Variants in KCNIP4 observed in about 807,000 individuals in gnomAD.
The protein encoded by KCNIP4 is Kv channel-interacting protein 4.
A neutral mutation model predicts 34.0 loss-of-function variants in KCNIP4; 12 were observed. The observed-to-expected ratio is 0.35, with a 90% CI of 0.23 to 0.57. The LOEUF is 0.57. Among genes scored for constraint, KCNIP4 ranks in the 20% least tolerant of loss-of-function variants. The pLI, the probability that KCNIP4 is intolerant of heterozygous loss-of-function variation, is 0.83. For missense variants in KCNIP4, 238 were observed against 311.7 expected (o/e 0.76, Z 1.78); for synonymous variants, 124 against 102.2 (o/e 1.21, Z -1.29).
At chr4:20,808,663 G>A (rs1253353038) in intron 3 of KCNIP4, among the ~76,000 whole-genome samples, 1 of 152,094 alleles carries the variant, frequency 6.6e-6, no homozygotes, top group South Asian at 2.1e-4. Context: ...TGTGTCCTGG[G>A]AAACCCACCC....
chr4:21,136,324 T>C (rs917423183), intron 1 of KCNIP4, among the ~76,000 whole-genome samples: 1 of 152,224 alleles, frequency 6.6e-6, no homozygotes, highest in African/African-American at 2.4e-5. Context: ...GTAATCTTTC[T>C]GGAGAATTAG....
chr4:21,890,513 G>A (rs923335781), intron 1 of KCNIP4, among the ~76,000 whole-genome samples: 1 of 151,964 alleles, frequency 6.6e-6, no homozygotes, highest in East Asian at 1.9e-4. Flanking sequence ...AAAGGGACCA[G>A]AAAATATCCC....
chr4:21,404,796 T>C (rs1723832413), intron 1 of KCNIP4, among the ~76,000 whole-genome samples: 2 of 152,198 alleles, frequency 1.3e-5, no homozygotes, highest in South Asian at 2.1e-4. Context: ...CTGGGACAGA[T>C]GGCAACTGCA....
chr4:21,465,801 T>C (rs150623244), intron 1 of KCNIP4, among the ~76,000 whole-genome samples: 2 of 152,280 alleles, frequency 1.3e-5, no homozygotes, highest in East Asian at 1.9e-4. Flanking sequence ...AAATAACAAT[T>C]CTTGGCTCCT....
intron 1 of KCNIP4, among the ~76,000 whole-genome samples, chr4:21,090,368 T>C (rs1196118546): frequency 6.6e-6 from 1 of 151,982 alleles, no homozygotes; most frequent in Non-Finnish European, 1.5e-5. Context: ...ACAAAGACAA[T>C]AGAAAATTCA....
chr4:20,949,431 A>G (rs1732537042), intron 1 of KCNIP4, among the ~76,000 whole-genome samples: 2 of 152,198 alleles, frequency 1.3e-5, no homozygotes, highest in South Asian at 2.1e-4. Context: ...TAGTTCAACC[A>G]TTGTGGAAGT....
At chr4:21,464,010 C>T (rs1729699547) in intron 1 of KCNIP4, among the ~76,000 whole-genome samples, 1 of 152,020 alleles carries the variant, frequency 6.6e-6, no homozygotes, top group African/African-American at 2.4e-5. Context: ...CAAATGTTCA[C>T]AGCATTCCTA....
intron 1 of KCNIP4, among the ~76,000 whole-genome samples, chr4:20,959,050 G>GA (rs1223389877): frequency 1.3e-5 from 2 of 152,174 alleles, no homozygotes; most frequent in South Asian, 2.1e-4. Context: ...TGGCCAGATG[G>GA]AAAAGGTTCC....
At chr4:21,208,010 T>G (rs535189306) in intron 1 of KCNIP4, among the ~76,000 whole-genome samples, 86 of 151,758 alleles carry the variant, frequency 5.7e-4, no homozygotes, top group African/African-American at 2.0e-3. Context: ...GCCCACATAA[T>G]TTTTGTATTT....
intron 1 of KCNIP4, among the ~76,000 whole-genome samples, chr4:21,680,328 A>T (rs994762094): frequency 2.0e-5 from 3 of 152,198 alleles, no homozygotes; most frequent in Non-Finnish European, 4.4e-5. Flanking sequence ...TCACATCTCC[A>T]TGATCCATTT....
chr4:21,812,761 T>A (rs1213349747), intron 1 of KCNIP4, among the ~76,000 whole-genome samples: 1 of 152,168 alleles, frequency 6.6e-6, no homozygotes, highest in Non-Finnish European at 1.5e-5. Context: ...GGCTCTTACA[T>A]AATGCTAAGA....
intron 1 of KCNIP4, among the ~76,000 whole-genome samples, chr4:21,794,815 G>A (rs993099247): frequency 2.0e-5 from 3 of 152,088 alleles, no homozygotes; most frequent in Non-Finnish European, 4.4e-5. Context: ...GGAGGCGGAG[G>A]TTGCAGTGAG....
At chr4:21,108,655 T>G (rs541852130) in intron 1 of KCNIP4, among the ~76,000 whole-genome samples, 1 of 151,882 alleles carries the variant, frequency 6.6e-6, no homozygotes, top group South Asian at 2.1e-4. Flanking sequence ...CTGCGTTCCT[T>G]TGGAGGAGGA....
At chr4:21,074,471 A>G (rs1745288288) in intron 1 of KCNIP4, among the ~76,000 whole-genome samples, 1 of 152,044 alleles carries the variant, frequency 6.6e-6, no homozygotes, top group South Asian at 2.1e-4. Flanking sequence ...TTTCTGTGGG[A>G]TCGGTGGTGA....
chr4:21,322,765 T>C (rs1040059743), intron 1 of KCNIP4, among the ~76,000 whole-genome samples: 1 of 151,954 alleles, frequency 6.6e-6, no homozygotes, highest in South Asian at 2.1e-4. Flanking sequence ...ATCTATGTGA[T>C]TCAGATTCAT....
At chr4:21,384,691 A>G (rs1721856138) in intron 1 of KCNIP4, among the ~76,000 whole-genome samples, 2 of 152,218 alleles carry the variant, frequency 1.3e-5, no homozygotes, top group South Asian at 2.1e-4. Context: ...GCCCCAGAGA[A>G]TTTGCCAACT....
intron 1 of KCNIP4, among the ~76,000 whole-genome samples, chr4:21,745,964 G>T (rs1214774619): frequency 6.6e-6 from 1 of 152,088 alleles, no homozygotes; most frequent in Non-Finnish European, 1.5e-5. Flanking sequence ...TTACACAATA[G>T]AAATATATTT....
At chr4:21,935,085 T>G (rs953717795) in intron 1 of KCNIP4, among the ~76,000 whole-genome samples, 1 of 152,046 alleles carries the variant, frequency 6.6e-6, no homozygotes, top group Non-Finnish European at 1.5e-5. Flanking sequence ...AGAGCCTGCC[T>G]AGGTGCATGT....
In KCNIP4 at chr4:21,186,491, C is replaced by T. The variant is rs551440035; in HGVS notation, c.62-303782G>A. 2.7e-4 allele frequency among the ~76,000 whole-genome samples: 41 copies of T among 152,160 alleles called. No homozygotes were observed. The South Asian group carries it at 8.5e-3, about 32-fold the overall frequency. ...GAAATTCTCCTGAAGAGTATGTCACCTTTTCAAGCATCTCTAAGTGAAATT... is the reference window on the plus strand; with the variant it reads ...GAAATTCTCCTGAAGAGTATGTCACTTTTTCAAGCATCTCTAAGTGAAATT... On this transcript the variant is annotated intron_variant, in intron 1 of 8. Coordinates refer to ENST00000382152, the MANE Select transcript of KCNIP4 (RefSeq NM_025221.6).
Sources: gnomAD v4.1 joint callset for allele counts (sites outside exome capture counted in the v4.1 genomes callset) on GRCh38, gnomAD v4.1.1 for gene constraint, MANE v1.5 for transcripts, NCBI Gene and HGNC (gene_info 2026-07-23, HGNC 2026-07-21) for gene names.